Variants in HDHD2 observed in about 807,000 individuals in gnomAD.
The protein encoded by HDHD2 is haloacid dehalogenase like hydrolase domain containing 2.
In HDHD2, 26 loss-of-function variants were observed where a neutral mutation model predicts 24.8. The observed-to-expected ratio is 1.05, with a 90% CI of 0.77 to 1.45. The LOEUF (loss-of-function observed/expected upper bound fraction) is 1.45, where lower values mean the gene tolerates loss of function less well. HDHD2 is among the 40% of genes most tolerant of loss of function. HDHD2 has a pLI of 0.00. For synonymous variants in HDHD2, 128 were observed against 114.9 expected, an observed-to-expected ratio of 1.11 and a Z score of -0.73; for missense variants, 299 against 313.4, an observed-to-expected ratio of 0.95 and a Z score of 0.35.
At chr18:47,128,195 G>A (rs117688943) in intron 4 of HDHD2, among the ~76,000 whole-genome samples, 8 of 152,282 alleles carry the variant, frequency 5.3e-5, no homozygotes, top group Non-Finnish European at 1.2e-4. Flanking sequence ...GTACTAATTA[G>A]ACAGCATCCG....
At chr18:47,133,092 C>T (rs1332798432) in intron 3 of HDHD2, among the ~76,000 whole-genome samples, 3 of 152,030 alleles carry the variant, frequency 2.0e-5, no homozygotes, top group African/African-American at 7.3e-5. Context: ...GTGTGCTGCA[C>T]CCATTAACTC....
chr18:47,117,371 T>C (rs191374113), intron 4 of HDHD2, among the ~76,000 whole-genome samples: 47 of 152,214 alleles, frequency 3.1e-4, no homozygotes, highest in African/African-American at 1.0e-3. Context: ...CCACCGTTAA[T>C]GAAGAAATAG....
chr18:47,146,003 G>A (rs553042212), intron 1 of HDHD2, among the ~76,000 whole-genome samples: 8 of 152,114 alleles, frequency 5.3e-5, no homozygotes, highest in South Asian at 4.2e-4. Context: ...AAGCCAAGGC[G>A]GGTGGATGAC....
At chr18:47,143,596 A>G (rs573713260) in intron 1 of HDHD2, among the ~76,000 whole-genome samples, 1 of 152,332 alleles carries the variant, frequency 6.6e-6, no homozygotes, top group South Asian at 2.1e-4. Context: ...TCAAATAACT[A>G]TTACTCAAAA....
chr18:47,140,412 T>C (rs762240845), intron 1 of HDHD2, among the ~76,000 whole-genome samples: 4 of 152,246 alleles, frequency 2.6e-5, no homozygotes, highest in Non-Finnish European at 4.4e-5. Context: ...AACTCTATCA[T>C]TGCTATATTA....
chr18:47,124,317 A>G (rs1401020936), intron 4 of HDHD2, among the ~76,000 whole-genome samples: 1 of 152,194 alleles, frequency 6.6e-6, no homozygotes, highest in South Asian at 2.1e-4. Flanking sequence ...TAAGAACCTG[A>G]TCTTCTCATA....
chr18:47,148,643 T>C (rs959456231), intron 1 of HDHD2, among the ~76,000 whole-genome samples: 11 of 152,228 alleles, frequency 7.2e-5, no homozygotes, highest in Non-Finnish European at 4.4e-5. Flanking sequence ...TTCCCAGCCA[T>C]CCTTATGAGT....
At chr18:47,130,205 A>T (rs752303546) in intron 4 of HDHD2, 39 bp downstream of exon 4, 1 of 1,220,332 alleles carries the variant, frequency 8.2e-7, no homozygotes, top group Non-Finnish European at 1.2e-6. Flanking sequence ...GAAGAAGGGA[A>T]CTATTATGAT....
At chr18:47,125,538 T>TAA (rs1452660342) in intron 4 of HDHD2, among the ~76,000 whole-genome samples, 1 of 152,156 alleles carries the variant, frequency 6.6e-6, no homozygotes, top group Non-Finnish European at 1.5e-5. Context: ...ATTCATATAA[T>TAA]ACACTACTAC....
chr18:47,135,496 G>C (rs2063757217), intron 2 of HDHD2, among the ~76,000 whole-genome samples: 1 of 151,976 alleles, frequency 6.6e-6, no homozygotes, highest in African/African-American at 2.4e-5. Context: ...CCCGACCTCA[G>C]GTGATCCACC....
intron 4 of HDHD2, among the ~76,000 whole-genome samples, chr18:47,124,063 G>A (rs958338157): frequency 1.3e-5 from 2 of 152,174 alleles, no homozygotes; most frequent in Admixed American, 6.5e-5. Context: ...AAATCAATGG[G>A]GGAAGAATGG....
At chr18:47,134,766 C>G (rs1288034656) in intron 2 of HDHD2, 62 bp from the exon 3 acceptor site, 29 of 1,347,714 alleles carry the variant, frequency 2.2e-5, no homozygotes, top group Admixed American at 3.8e-5. Context: ...TATAAAATCT[C>G]CTAATTTGTT....
chr18:47,114,077 T>C (rs1041956870), intron 5 of HDHD2, among the ~76,000 whole-genome samples: 4 of 152,184 alleles, frequency 2.6e-5, no homozygotes, highest in African/African-American at 9.7e-5. Flanking sequence ...AGGCTCCAGC[T>C]CAGATAACCA....
In HDHD2 at chr18:47,115,362, C is replaced by A. The variant is rs1401797723; in HGVS notation, c.396-14G>T. On this transcript the variant is annotated splice_polypyrimidine_tract_variant and intron_variant, in intron 4 of 6. Transcript: ENST00000300605. Reference sequence around the variant, plus strand: ...TCCAGGAGTAACCTAGAGAGAACAACAACAAAAAAAACAAATTGGCTAAAA... The same window carrying A: ...TCCAGGAGTAACCTAGAGAGAACAAAAACAAAAAAAACAAATTGGCTAAAA... The A allele has an allele frequency of 6.3e-6, 10 of 1,591,406 alleles. No homozygotes were observed. Among genetic ancestry groups the A allele is most frequent in the Admixed American group, 5.3e-5 (3 of 56,464 alleles).
intron 4 of HDHD2, among the ~76,000 whole-genome samples, chr18:47,123,944 C>T (rs1050958553): frequency 6.6e-6 from 1 of 152,122 alleles, no homozygotes; most frequent in Non-Finnish European, 1.5e-5. Flanking sequence ...AGGATGTACA[C>T]TACCAGATAT....
chr18:47,109,976 G>A, intron 6 of HDHD2: 1 of 985,312 alleles, frequency 1.0e-6, no homozygotes, highest in Non-Finnish European at 1.2e-6. Context: ...GAAGAAGAGA[G>A]GGGAGGGAGG....
intron 1 of HDHD2, among the ~76,000 whole-genome samples, chr18:47,136,820 A>C (rs1001079801): frequency 6.6e-6 from 1 of 152,192 alleles, no homozygotes; most frequent in African/African-American, 2.4e-5. Context: ...GAAAGGACTA[A>C]ATCATTAGCA....
chr18:47,121,767 G>T (rs1222943486), intron 4 of HDHD2, among the ~76,000 whole-genome samples: 1 of 152,084 alleles, frequency 6.6e-6, no homozygotes, highest in Non-Finnish European at 1.5e-5. Context: ...CTGAGCTCCT[G>T]CCACAATACT....
At chr18:47,134,072 A>AT (rs1318108426) in intron 3 of HDHD2, among the ~76,000 whole-genome samples, 1 of 152,116 alleles carries the variant, frequency 6.6e-6, no homozygotes, top group Non-Finnish European at 1.5e-5. Flanking sequence ...CCTGAATGGT[A>AT]TTGCCTAGGT....
Sources: gnomAD v4.1 joint callset for allele counts (sites outside exome capture counted in the v4.1 genomes callset) on GRCh38, gnomAD v4.1.1 for gene constraint, MANE v1.5 for transcripts, NCBI Gene and HGNC (gene_info 2026-07-23, HGNC 2026-07-21) for gene names.